IARS2: variants seen among roughly 807,000 people sequenced by gnomAD.
The protein encoded by IARS2 is isoleucyl-tRNA synthetase 2, mitochondrial.
IARS2 carries 56 observed loss-of-function variants against 126.3 expected under a neutral mutation model. The ratio of observed to expected loss-of-function variants is 0.44; its 90% CI spans 0.36 to 0.55. The LOEUF (loss-of-function observed/expected upper bound fraction) is 0.55. Ranked by LOEUF, IARS2 falls within the 20% of genes least tolerant of loss-of-function variation. The probability of loss-of-function intolerance (pLI) is 0.00; values close to 1 mark genes in which losing one functional copy is unlikely to be tolerated. For synonymous variants in IARS2, 407 were observed against 441.1 expected (o/e 0.92, Z 0.97); for missense variants, 1,127 against 1,245.9 (o/e 0.90, Z 1.44).
At chr1:220,135,319 T>C (rs564560374) in intron 15 of IARS2, among the ~76,000 whole-genome samples, 121 of 152,324 alleles carry the variant, frequency 7.9e-4, no homozygotes, top group Admixed American at 1.4e-3. Context: ...TAGCTTAAGA[T>C]TGTGGCTCTC....
chr1:220,141,163 A>G (rs893529489), intron 19 of IARS2, among the ~76,000 whole-genome samples: 8 of 152,186 alleles, frequency 5.3e-5, no homozygotes, highest in African/African-American at 1.9e-4. Flanking sequence ...ATGTGCTTAA[A>G]GCTGTGCTTG....
At chr1:220,105,230 G>GC (rs1299535247) in intron 8 of IARS2, among the ~76,000 whole-genome samples, 1 of 152,170 alleles carries the variant, frequency 6.6e-6, no homozygotes, top group African/African-American at 2.4e-5. Flanking sequence ...ATGAGCTACT[G>GC]CACCCAGCCC....
At chr1:220,129,124 C>A (rs1193660088) in intron 14 of IARS2, among the ~76,000 whole-genome samples, 1 of 152,080 alleles carries the variant, frequency 6.6e-6, no homozygotes, top group East Asian at 1.9e-4. Context: ...CTCAAGTGAT[C>A]CATCTGCCTC....
intron 2 of IARS2, among the ~76,000 whole-genome samples, chr1:220,099,306 A>G (rs1246553108): frequency 2.0e-5 from 3 of 152,188 alleles, no homozygotes; most frequent in Non-Finnish European, 4.4e-5. Flanking sequence ...CCCAGAAAAT[A>G]ATGAAAAGAA....
intron 12 of IARS2, among the ~76,000 whole-genome samples, chr1:220,115,319 T>G (rs952072501): frequency 6.6e-6 from 1 of 152,162 alleles, no homozygotes; most frequent in Non-Finnish European, 1.5e-5. Flanking sequence ...TCCCAGCCCT[T>G]TGGGAGGCCG....
intron 8 of IARS2, 134 bp from the exon 9 acceptor site, chr1:220,105,756 AG>A: frequency 4.4e-6 from 3 of 682,122 alleles, no homozygotes; most frequent in South Asian, 3.8e-5. Context: ...AACAAGTTAA[AG>A]GGGAAGCTGG....
chr1:220,106,883 C>T (rs1164840185), intron 9 of IARS2, among the ~76,000 whole-genome samples, 178 bp from the exon 10 acceptor site: 2 of 152,106 alleles, frequency 1.3e-5, no homozygotes, highest in Non-Finnish European at 2.9e-5. Flanking sequence ...CTGCCCACCT[C>T]GACCTCCCAA....
chr1:220,141,942 A>G lies in IARS2; in HGVS notation c.2554A>G (p.Ile852Val). The G allele has an allele frequency of 1.2e-6, 2 of 1,613,302 alleles. No homozygotes were observed. Among genetic ancestry groups the G allele is most frequent in the Non-Finnish European group, 1.7e-6 (2 of 1,179,744 alleles). ...AEEVFQHIPYIKEPKSVFRTG... is the reference protein window; with the variant it reads ...AEEVFQHIPYVKEPKSVFRTG... ...AGAGGTGTTCCAGCACATACCTTAT[A>G]TTAAAGGTAAGGAATACTTCATTTA... is the stretch of plus-strand genomic sequence containing the variant. The change falls in exon 20 of 23, where the codon ATT becomes GTT. Residue 852 changes from isoleucine to valine, a missense_variant. Coordinates refer to ENST00000366922, the MANE Select transcript of IARS2 (RefSeq NM_018060.4).
At chr1:220,095,331 G>A (rs1479839386) in intron 1 of IARS2, among the ~76,000 whole-genome samples, 1 of 152,144 alleles carries the variant, frequency 6.6e-6, no homozygotes, top group East Asian at 1.9e-4. Flanking sequence ...GAGCCACTAC[G>A]CCCAGCCTAG....
At chr1:220,140,337 G>A (rs1475200774) in intron 19 of IARS2, 48 bp downstream of exon 19, 2 of 1,138,428 alleles carry the variant, frequency 1.8e-6, no homozygotes, top group Non-Finnish European at 2.6e-6. Context: ...CAGGTGTGGT[G>A]ACTCACGCCT....
intron 13 of IARS2, 145 bp downstream of exon 13, chr1:220,125,484 G>A (rs1657132780): frequency 3.4e-6 from 2 of 596,110 alleles, no homozygotes; most frequent in South Asian, 2.1e-5. Flanking sequence ...CAGTGTGAAA[G>A]TAGACATTTT....
chr1:220,100,585 A>G lies in IARS2; in HGVS notation c.486A>G (p.Ile162Met), dbSNP rs1335122979. ...ATTGTCATGGGTTGCCCATTGAAATAAAAGTATTATCAGAACTTGGTAGAG... is the reference window on the plus strand; with the variant it reads ...ATTGTCATGGGTTGCCCATTGAAATGAAAGTATTATCAGAACTTGGTAGAG... The part of the protein sequence containing the change: ...GWDCHGLPIE[I>M]KVLSELGREA... The change falls in exon 3 of 23, where the codon ATA becomes ATG. Residue 162 changes from isoleucine (I) to methionine (M), a missense_variant. By Grantham distance (10) the Ile-to-Met change is conservative (BLOSUM62 1). Transcript: ENST00000366922. The G allele has an allele frequency of 1.2e-6, 2 of 1,613,184 alleles. No homozygotes were observed. Among genetic ancestry groups the G allele is most frequent in the African/African-American group, 1.3e-5 (1 of 75,032 alleles).
chr1:220,103,432 A>G lies in IARS2; in HGVS notation c.951-15A>G, dbSNP rs1656619212. On this transcript the variant is annotated splice_polypyrimidine_tract_variant and intron_variant, in intron 7 of 22. Transcript: ENST00000366922. Reference sequence around the variant, plus strand: ...TGTTTCATTATTAGTAATTTCTCCTAAAATTTTATGTTAGGTATGCTGTTG... The same window carrying G: ...TGTTTCATTATTAGTAATTTCTCCTGAAATTTTATGTTAGGTATGCTGTTG... 7.1e-7 allele frequency: 1 copy of G among 1,408,974 alleles called. No individual in the cohort carries two copies. The highest frequency in any genetic ancestry group is 2.3e-5 in the East Asian group (1 of 43,748). The allele number at this position is 1,408,974 out of a possible 1,614,324, so 87.3% of individuals were successfully genotyped here.
At chr1:220,100,166 T>C (rs1173464903) in intron 2 of IARS2, among the ~76,000 whole-genome samples, 2 of 152,230 alleles carry the variant, frequency 1.3e-5, no homozygotes, top group Admixed American at 6.5e-5. Flanking sequence ...TCTACTGTTT[T>C]AGTAAGGGTT....
At position 220,141,973 on chromosome 1, in the gene IARS2, T is replaced by C. The variant is rs781550826; in HGVS notation, c.2560+25T>C. On this transcript the variant is annotated intron_variant, in intron 20 of 22. Transcript: ENST00000366922. Reference sequence around the variant, plus strand: ...GGTAAGGAATACTTCATTTATTCTCTTAATGAGAAATATCCCTGATCAAGG... The same window carrying C: ...GGTAAGGAATACTTCATTTATTCTCCTAATGAGAAATATCCCTGATCAAGG... The C allele has an allele frequency of 6.2e-6, 10 of 1,604,146 alleles. No homozygotes were observed. In the Middle Eastern group the frequency reaches 1.5e-3, roughly 240 times the overall value.
At chr1:220,131,755 G>A (rs557374532) in intron 14 of IARS2, among the ~76,000 whole-genome samples, 189 of 151,522 alleles carry the variant, frequency 1.2e-3, no homozygotes, top group African/African-American at 4.3e-3. Flanking sequence ...CAAAGTGCTG[G>A]GATTACAGGC....
At chr1:220,097,060 AT>A (rs1308708042) in intron 2 of IARS2, among the ~76,000 whole-genome samples, 2 of 152,026 alleles carry the variant, frequency 1.3e-5, no homozygotes, top group African/African-American at 4.8e-5. Context: ...AAAAAAAAAA[AT>A]CATGTTTTGT....
chr1:220,140,404 G>A (rs1470687202), intron 19 of IARS2, 115 bp downstream of exon 19: 6 of 642,070 alleles, frequency 9.3e-6, no homozygotes, highest in Admixed American at 2.8e-5. Flanking sequence ...CCAGGAGTTC[G>A]AGACCAGTAT....
rs1326886682 is a variant in IARS2 at position 220,147,936 on chromosome 1, G to C, written c.*301G>C. On this transcript the variant is annotated 3_prime_UTR_variant, in exon 23 of 23. Transcript: ENST00000366922. Reference sequence around the variant, plus strand: ...CAGAACATAGATATGTATTCAGCTTGTCTTCAAATACGGCCAAGCAGAAAA... The same window carrying C: ...CAGAACATAGATATGTATTCAGCTTCTCTTCAAATACGGCCAAGCAGAAAA... 2.5e-6 allele frequency: 1 copy of C among 399,510 alleles called. No homozygotes were observed. Among genetic ancestry groups the C allele is most frequent in the East Asian group, 3.6e-5 (1 of 28,154 alleles). 24.7% of individuals were successfully genotyped at this position (399,510 alleles called of 1,614,324 possible).
Sources: allele counts gnomAD v4.1 joint callset (sites outside exome capture counted in the v4.1 genomes callset), GRCh38; gene constraint gnomAD v4.1.1; transcripts MANE v1.5; gene names NCBI Gene and HGNC (gene_info 2026-07-23, HGNC 2026-07-21).